IQCM: variants seen among roughly 807,000 people sequenced by gnomAD.
IQCM encodes IQ motif containing M, also known as IQ domain-containing protein M.
A neutral mutation model predicts 57.6 loss-of-function variants in IQCM; 45 were observed. That is an observed-to-expected ratio of 0.78 (90% confidence interval 0.62 to 1.00). The LOEUF (loss-of-function observed/expected upper bound fraction) is 1.00, where lower values mean the gene tolerates loss of function less well. Ranked by LOEUF, IQCM falls within the 50% of genes least tolerant of loss-of-function variation. The probability of loss-of-function intolerance (pLI) is 0.00; values close to 1 mark genes in which losing one functional copy is unlikely to be tolerated. For missense variants in IQCM, 468 were observed against 511.6 expected (o/e 0.91, Z 0.82); for synonymous variants, 148 against 158.9 (o/e 0.93, Z 0.51).
intron 13 of IQCM, among the ~76,000 whole-genome samples, chr4:149,371,620 T>C (rs901563718): frequency 1.3e-4 from 20 of 152,186 alleles, no homozygotes; most frequent in Non-Finnish European, 2.6e-4. Context: ...GATTTTGCGA[T>C]GAAAACTAAG....
intron 12 of IQCM, among the ~76,000 whole-genome samples, chr4:149,525,934 T>C (rs1560950498): frequency 1.3e-5 from 2 of 151,730 alleles, no homozygotes; most frequent in Admixed American, 6.6e-5. Context: ...ACAAAAATTA[T>C]AAATAGGCAA....
chr4:149,664,752 A>C (rs1019698534), intron 7 of IQCM, among the ~76,000 whole-genome samples: 4 of 152,098 alleles, frequency 2.6e-5, no homozygotes, highest in Non-Finnish European at 5.9e-5. Context: ...ACTGTCTGGA[A>C]AGGCAACAGG....
At chr4:149,680,938 T>C (rs912852740) in intron 7 of IQCM, among the ~76,000 whole-genome samples, 1 of 151,304 alleles carries the variant, frequency 6.6e-6, no homozygotes, top group Admixed American at 6.6e-5. Flanking sequence ...ACATCCAAAC[T>C]AAAGCTATGA....
intron 13 of IQCM, among the ~76,000 whole-genome samples, chr4:149,402,901 T>C (rs1264184909): frequency 6.6e-6 from 1 of 151,962 alleles, no homozygotes; most frequent in Non-Finnish European, 1.5e-5. Flanking sequence ...CAATGCCTAG[T>C]AAATGACCAA....
At chr4:149,809,735 G>A (rs1310022001) in intron 2 of IQCM, among the ~76,000 whole-genome samples, 1 of 152,166 alleles carries the variant, frequency 6.6e-6, no homozygotes, top group Non-Finnish European at 1.5e-5. Context: ...AATGATGCAT[G>A]AGAGGCATTA....
At chr4:149,486,300 G>A (rs1741504762) in intron 12 of IQCM, among the ~76,000 whole-genome samples, 1 of 152,026 alleles carries the variant, frequency 6.6e-6, no homozygotes, top group African/African-American at 2.4e-5. Flanking sequence ...AAAAACCTTA[G>A]CATTTTACTT....
At chr4:149,408,896 T>A (rs1733171798) in intron 13 of IQCM, among the ~76,000 whole-genome samples, 1 of 152,164 alleles carries the variant, frequency 6.6e-6, no homozygotes, top group Non-Finnish European at 1.5e-5. Flanking sequence ...CGTGTTTTTT[T>A]ATGTCATTCA....
chr4:149,757,718 T>C (rs1432093143), intron 2 of IQCM, among the ~76,000 whole-genome samples: 1 of 148,670 alleles, frequency 6.7e-6, no homozygotes, highest in Non-Finnish European at 1.5e-5. Flanking sequence ...GATCTAACAT[T>C]AGATATATTC....
intron 13 of IQCM, among the ~76,000 whole-genome samples, chr4:149,373,724 T>C (rs1730519199): frequency 6.6e-6 from 1 of 152,128 alleles, no homozygotes; most frequent in South Asian, 2.1e-4. Flanking sequence ...AAATATTTTC[T>C]ATTCATGGAT....
chr4:149,469,189 G>A (rs2149724189), intron 12 of IQCM, among the ~76,000 whole-genome samples: 1 of 152,250 alleles, frequency 6.6e-6, no homozygotes, highest in African/African-American at 2.4e-5. Context: ...GCTAAAGGAG[G>A]ATTTTGAACC....
intron 7 of IQCM, among the ~76,000 whole-genome samples, chr4:149,645,296 GT>G (rs763505577): frequency 1.8e-4 from 28 of 152,120 alleles, no homozygotes; most frequent in Non-Finnish European, 3.2e-4. Flanking sequence ...AACTTAATCA[GT>G]TTTTTAATTG....
chr4:149,554,711 T>C (rs1285964929), intron 10 of IQCM, among the ~76,000 whole-genome samples: 15 of 151,982 alleles, frequency 9.9e-5, no homozygotes, highest in African/African-American at 3.4e-4. Context: ...TCTTTCTTTT[T>C]TTTTTTGAGA....
intron 2 of IQCM, among the ~76,000 whole-genome samples, chr4:149,764,663 A>G (rs1769867864): frequency 6.6e-6 from 1 of 152,118 alleles, no homozygotes; most frequent in Non-Finnish European, 1.5e-5. Flanking sequence ...GATTTTCAGC[A>G]AACTTTCAGA....
intron 13 of IQCM, among the ~76,000 whole-genome samples, chr4:149,421,493 C>T (rs1473330545): frequency 6.6e-6 from 1 of 151,946 alleles, no homozygotes; most frequent in East Asian, 1.9e-4. Flanking sequence ...CTATTATTTG[C>T]AACATGCCAC....
At chr4:149,578,526 T>G (rs1466449501) in intron 9 of IQCM, among the ~76,000 whole-genome samples, 1 of 151,730 alleles carries the variant, frequency 6.6e-6, no homozygotes, top group Non-Finnish European at 1.5e-5. Context: ...ACACAGTTAT[T>G]TATTCCTCTT....
intron 2 of IQCM, among the ~76,000 whole-genome samples, chr4:149,786,164 G>A (rs954025037): frequency 1.3e-5 from 2 of 152,160 alleles, no homozygotes; most frequent in Non-Finnish European, 2.9e-5. Flanking sequence ...TGAAGGGTCA[G>A]TGATTCCTGA....
At chr4:149,446,807 A>T (rs1560849537) in intron 12 of IQCM, among the ~76,000 whole-genome samples, 1 of 151,668 alleles carries the variant, frequency 6.6e-6, no homozygotes, top group Non-Finnish European at 1.5e-5. Context: ...GATAGTCAGA[A>T]TCAAAACTAT....
intron 7 of IQCM, among the ~76,000 whole-genome samples, chr4:149,653,194 G>A (rs1169327970): frequency 6.6e-6 from 1 of 152,106 alleles, no homozygotes; most frequent in Non-Finnish European, 1.5e-5. Flanking sequence ...CCAGGGAGCA[G>A]GTGGTCAAGA....
chr4:149,433,763 A>C (rs1735088553), intron 12 of IQCM, among the ~76,000 whole-genome samples: 1 of 152,002 alleles, frequency 6.6e-6, no homozygotes, highest in African/African-American at 2.4e-5. Context: ...CTTTACTAAT[A>C]CCGTCTTAAA....
Sources: gnomAD v4.1 joint callset for allele counts (sites outside exome capture counted in the v4.1 genomes callset) on GRCh38, gnomAD v4.1.1 for gene constraint, MANE v1.5 for transcripts, NCBI Gene and HGNC (gene_info 2026-07-23, HGNC 2026-07-21) for gene names.